Variants in STK35 observed in about 807,000 individuals in gnomAD.
The protein encoded by STK35 is serine/threonine-protein kinase 35.
A neutral mutation model predicts 37.3 loss-of-function variants in STK35; 17 were observed. That is an observed-to-expected ratio of 0.46 (90% CI 0.31 to 0.68). The LOEUF is 0.68. Among genes scored for constraint, STK35 ranks in the 30% least tolerant of loss-of-function variants. STK35 has a pLI of 0.05. For synonymous variants in STK35, 385 were observed against 319.1 expected, an observed-to-expected ratio of 1.21 and a Z score of -2.20; for missense variants, 595 against 746.7, an observed-to-expected ratio of 0.80 and a Z score of 2.37.
At chr20:2,134,097 TGAAAG>T (rs1305517852) in intron 3 of STK35, among the ~76,000 whole-genome samples, 1 of 151,950 alleles carries the variant, frequency 6.6e-6, no homozygotes, top group Non-Finnish European at 1.5e-5. Flanking sequence ...TTCGTCCACT[TGAAAG>T]GGGAGTCTCA....
intron 3 of STK35, among the ~76,000 whole-genome samples, chr20:2,141,881 C>T (rs1986177742): frequency 6.6e-6 from 1 of 152,180 alleles, no homozygotes; most frequent in East Asian, 1.9e-4. Context: ...TTACTTAATC[C>T]TTATTTTTGG....
intron 2 of STK35, among the ~76,000 whole-genome samples, chr20:2,104,276 G>T (rs1985471147): frequency 1.3e-5 from 2 of 152,174 alleles, no homozygotes; most frequent in Non-Finnish European, 2.9e-5. Context: ...GAAAGTTTGA[G>T]GAGACTTTCC....
chr20:2,118,885 A>G (rs1453534972), intron 3 of STK35, among the ~76,000 whole-genome samples: 2 of 152,242 alleles, frequency 1.3e-5, no homozygotes, highest in East Asian at 1.9e-4. Context: ...TAGGCCATAC[A>G]TGTCATCTAG....
At chr20:2,136,406 A>G (rs1055429383) in intron 3 of STK35, among the ~76,000 whole-genome samples, 11 of 152,218 alleles carry the variant, frequency 7.2e-5, no homozygotes, top group Non-Finnish European at 1.5e-4. Context: ...AGCATGGTAG[A>G]AAAATAGCAT....
rs1986249485 is a variant in STK35 at position 2,145,582 on chromosome 20, C to G, written c.*1836C>G. On this transcript the variant is annotated 3_prime_UTR_variant, in exon 4 of 4. Coordinates refer to ENST00000381482, the MANE Select transcript of STK35 (RefSeq NM_080836.4). ...TTCTTCCTTGTGAGCAGAAGGTTGGCTGCTGTTAGCAGGATCCCACAGTGA... is the reference window on the plus strand; with the variant it reads ...TTCTTCCTTGTGAGCAGAAGGTTGGGTGCTGTTAGCAGGATCCCACAGTGA... 6.6e-6 allele frequency: 1 copy of G among 152,206 alleles called. No homozygotes were observed. The highest frequency in any genetic ancestry group is 2.4e-5 in the African/African-American group (1 of 41,410). The allele number at this position is 152,206 out of a possible 1,614,324, so 9.4% of individuals were successfully genotyped here.
At chr20:2,119,460 A>G (rs1400326040) in intron 3 of STK35, among the ~76,000 whole-genome samples, 1 of 152,264 alleles carries the variant, frequency 6.6e-6, no homozygotes, top group Non-Finnish European at 1.5e-5. Context: ...TATTTATAGG[A>G]ACAGCAGAAT....
At chr20:2,102,656 C>A in intron 1 of STK35, 112 bp from the exon 2 acceptor site, 1 of 1,030,596 alleles carries the variant, frequency 9.7e-7, no homozygotes, top group Non-Finnish European at 1.3e-6. Flanking sequence ...CGGTGGCTTC[C>A]GTCTTAAAGG....
chr20:2,127,932 A>T (rs1411681200), intron 3 of STK35, among the ~76,000 whole-genome samples: 3 of 152,148 alleles, frequency 2.0e-5, no homozygotes, highest in African/African-American at 4.8e-5. Context: ...GGAACAGAGG[A>T]TGTCATGAGT....
Position 2,116,940 on chromosome 20 carries a change from T to C in STK35, c.1167T>C (p.Ala389=). The part of the protein sequence containing the change: ...VADFGLSKVC[A]GLAPRGKEGN... ...ACTTTGGACTAAGCAAGGTCTGTGC[T>C]GGGCTGGCACCCCGAGGCAAAGAGG... Residue 389 remains alanine (A), a synonymous_variant, in exon 3 of 4, where the codon GCT becomes GCC. Transcript: ENST00000381482. 3 of 1,614,178 alleles carry C rather than the reference T, an allele frequency of 1.9e-6. No individual in the cohort carries two copies. The highest frequency in any genetic ancestry group is 2.5e-6 in the Non-Finnish European group (3 of 1,180,042).
chr20:2,120,167 T>C (rs1170272885), intron 3 of STK35, among the ~76,000 whole-genome samples: 1 of 152,216 alleles, frequency 6.6e-6, no homozygotes, highest in Non-Finnish European at 1.5e-5. Context: ...CATAGGAAGG[T>C]TGTCATTGGA....
intron 3 of STK35, among the ~76,000 whole-genome samples, chr20:2,138,077 C>T (rs563214925): frequency 3.9e-5 from 6 of 152,298 alleles, no homozygotes; most frequent in South Asian, 2.1e-4. Flanking sequence ...TCAGTTTGCA[C>T]GGCAGCTAGC....
intron 2 of STK35, among the ~76,000 whole-genome samples, chr20:2,114,089 T>G (rs1231880163): frequency 6.6e-6 from 1 of 152,142 alleles, no homozygotes; most frequent in Admixed American, 6.5e-5. Context: ...CGTCGCCTCC[T>G]TCCATCTGGT....
At chr20:2,127,759 A>C (rs190110255) in intron 3 of STK35, among the ~76,000 whole-genome samples, 3 of 152,252 alleles carry the variant, frequency 2.0e-5, no homozygotes, top group Admixed American at 6.5e-5. Flanking sequence ...TCCTGTAAGC[A>C]GGACAACAGC....
At chr20:2,103,422 A>G in intron 2 of STK35, 57 bp downstream of exon 2, 1 of 1,537,600 alleles carries the variant, frequency 6.5e-7, no homozygotes, top group Non-Finnish European at 8.8e-7. Flanking sequence ...TGCTCTCCGG[A>G]CGGCTTGGCC....
rs1349405730 is a variant in STK35, at chr20:2,102,915, C to T, written c.442C>T (p.Pro148Ser). 5 of 1,556,012 alleles carry T rather than the reference C, an allele frequency of 3.2e-6. No homozygotes were observed. The African/African-American group carries it at 4.2e-5, about 13-fold the overall frequency. The change falls in exon 2 of 4, where the codon CCG becomes TCG. Residue 148 changes from proline (P) to serine (S), a missense_variant. Coordinates refer to ENST00000381482, the MANE Select transcript of STK35 (RefSeq NM_080836.4). ...CGGCGCCCGCAGAGGTACACAAAGC[C>T]CGGAGCGGAAAAGGCGAAGCCCAGT... ...KDGARRGTQS[P>S]ERKRRSPVPR...
intron 2 of STK35, among the ~76,000 whole-genome samples, chr20:2,103,862 G>A (rs1985460524): frequency 6.6e-6 from 1 of 152,070 alleles, no homozygotes; most frequent in Non-Finnish European, 1.5e-5. Context: ...CCAAACTCCT[G>A]TGGCTTCCTC....
chr20:2,137,783 G>A (rs939423169), intron 3 of STK35, among the ~76,000 whole-genome samples: 3 of 152,078 alleles, frequency 2.0e-5, no homozygotes, highest in African/African-American at 4.8e-5. Flanking sequence ...GGAGACATTC[G>A]TGCTGGGGCC....
chr20:2,103,377 G>T lies in STK35; in HGVS notation c.892+12G>T. 6.2e-7 allele frequency: 1 copy of T among 1,603,804 alleles called. No homozygotes were observed. Among genetic ancestry groups the T allele is most frequent in the Non-Finnish European group, 8.5e-7 (1 of 1,174,040 alleles). On this transcript the variant is annotated intron_variant, in intron 2 of 3. Transcript: ENST00000381482. ...GACCTCGCTGAAAGGTAGGAGCACC[G>T]CGGGCCTTTCCACCCACGCAGGGCC...
In STK35 at chr20:2,102,859, C is replaced by A; in HGVS notation, c.386C>A (p.Pro129Gln). The stretch of plus-strand genomic sequence containing the variant: ...CGGGCAGCGCCGTTGCTGCTCCCCC[C>A]GCCGCCCGCAGCCATGGAAACGGGG... Reference protein sequence around the residue: ...GARAAPLLLPPPPAAMETGKD... With the variant: ...GARAAPLLLPQPPAAMETGKD... Residue 129 changes from proline to glutamine, a missense_variant, in exon 2 of 4, where the codon CCG becomes CAG. Pro to Gln is a moderately conservative substitution (Grantham distance 76, BLOSUM62 -1). Around this residue, in one of 3 missense-constraint regions of STK35, gnomAD observed 389 missense variants for 320.0 expected, o/e 1.22. Coordinates refer to ENST00000381482, the MANE Select transcript of STK35 (RefSeq NM_080836.4). 6.4e-7 allele frequency: 1 copy of A among 1,554,500 alleles called. No homozygotes were observed.
Sources: gnomAD v4.1 joint callset for allele counts (sites outside exome capture counted in the v4.1 genomes callset) on GRCh38, gnomAD v4.1.1 for gene constraint, gnomAD v4.1.1 regional missense constraint, MANE v1.5 for transcripts, NCBI Gene and HGNC (gene_info 2026-07-23, HGNC 2026-07-21) for gene names.